Variants in SLC35D4 observed in about 807,000 individuals in gnomAD.
The protein encoded by SLC35D4 is solute carrier family 35 member D4.
chr18:23,421,254 A>G, the SLC35D4 span: 20 of 896,516 alleles, frequency 2.2e-5, no homozygotes, highest in East Asian at 1.1e-4. Context: ...AAATAAATAA[A>G]TAAGTAAATA....
chr18:23,427,720 A>G, the SLC35D4 span, among the ~76,000 whole-genome samples: 35 of 152,238 alleles, frequency 2.3e-4, no homozygotes, highest in African/African-American at 8.2e-4. Flanking sequence ...ACATGCACAC[A>G]TATGTTTATT....
chr18:23,257,611 C>A, the SLC35D4 span: 1 of 414,328 alleles, frequency 2.4e-6, no homozygotes, highest in South Asian at 5.3e-5. Flanking sequence ...CAGAGAGGCC[C>A]TGCCCTCTGT....
the SLC35D4 span, among the ~76,000 whole-genome samples, chr18:23,344,843 G>A: frequency 4.6e-5 from 7 of 152,140 alleles, no homozygotes; most frequent in East Asian, 1.9e-4. Flanking sequence ...CTCATGATCC[G>A]CCCGCCTTGG....
chr18:23,295,795 C>T, the SLC35D4 span, among the ~76,000 whole-genome samples: 2 of 152,130 alleles, frequency 1.3e-5, no homozygotes, highest in African/African-American at 2.4e-5. Flanking sequence ...ATTTCCCGGA[C>T]GCCATGGGCA....
the SLC35D4 span, among the ~76,000 whole-genome samples, chr18:23,382,132 C>G: frequency 6.7e-6 from 1 of 149,654 alleles, no homozygotes; most frequent in African/African-American, 2.5e-5. Context: ...CCCAGCTACT[C>G]GGGAGGCTGA....
At chr18:23,435,107 G>A in the SLC35D4 span, among the ~76,000 whole-genome samples, 2 of 143,202 alleles carry the variant, frequency 1.4e-5, no homozygotes, top group South Asian at 2.3e-4. Context: ...GTGGTGAGCC[G>A]AGATCACACC....
the SLC35D4 span, among the ~76,000 whole-genome samples, chr18:23,287,117 G>A: frequency 6.6e-6 from 1 of 152,140 alleles, no homozygotes; most frequent in African/African-American, 2.4e-5. Context: ...GCCTTTTAAA[G>A]CCTATAAACT....
At chr18:23,368,654 T>C in the SLC35D4 span, 63 of 1,075,766 alleles carry the variant, frequency 5.9e-5, no homozygotes, top group East Asian at 1.6e-3. Flanking sequence ...CAAAATATTA[T>C]TGGAAAATAA....
chr18:23,240,777 G>C, the SLC35D4 span, among the ~76,000 whole-genome samples: 2 of 152,170 alleles, frequency 1.3e-5, no homozygotes, highest in African/African-American at 4.8e-5. Flanking sequence ...TGAAATCCTG[G>C]GACTGTCCTC....
At chr18:23,280,641 G>C in the SLC35D4 span, among the ~76,000 whole-genome samples, 4 of 152,178 alleles carry the variant, frequency 2.6e-5, no homozygotes, top group African/African-American at 7.2e-5. Flanking sequence ...CCACCTCACA[G>C]TGCTGACCAC....
At chr18:23,371,385 G>A in the SLC35D4 span, 9 of 1,502,254 alleles carry the variant, frequency 6.0e-6, no homozygotes, top group Non-Finnish European at 8.0e-6. Flanking sequence ...ATGAGCCACC[G>A]TGCCCAGCCT....
chr18:23,431,069 G>T, the SLC35D4 span, among the ~76,000 whole-genome samples: 1 of 144,228 alleles, frequency 6.9e-6, no homozygotes, highest in Admixed American at 7.5e-5. Flanking sequence ...CAGAAGAATC[G>T]CTTGAACCTA....
the SLC35D4 span, among the ~76,000 whole-genome samples, chr18:23,420,053 C>T: frequency 6.6e-6 from 1 of 152,050 alleles, no homozygotes; most frequent in Admixed American, 6.6e-5. Flanking sequence ...CCTGTAATCC[C>T]AGCACTTTGG....
the SLC35D4 span, among the ~76,000 whole-genome samples, chr18:23,287,478 A>G: frequency 6.6e-4 from 100 of 152,160 alleles, 1 homozygote; most frequent in Non-Finnish European, 5.0e-4. Flanking sequence ...TCTGTTAGCT[A>G]TCTCAGCATA....
At chr18:23,318,278 C>T in the SLC35D4 span, among the ~76,000 whole-genome samples, 593 of 152,192 alleles carry the variant, frequency 3.9e-3, 6 homozygotes, top group African/African-American at 0.013. Flanking sequence ...CTTTAAAAAT[C>T]GGGGTTTTTA....
chr18:23,391,154 CA>C, the SLC35D4 span, among the ~76,000 whole-genome samples: 1 of 150,636 alleles, frequency 6.6e-6, no homozygotes, highest in Non-Finnish European at 1.5e-5. Context: ...TGAAGGGAGG[CA>C]GAGCCTGCAG....
At chr18:23,347,946 A>G in the SLC35D4 span, among the ~76,000 whole-genome samples, 1 of 152,050 alleles carries the variant, frequency 6.6e-6, no homozygotes, top group Non-Finnish European at 1.5e-5. Context: ...TTGATTTGAG[A>G]CCTTCATTCA....
At chr18:23,267,441 A>G in the SLC35D4 span, among the ~76,000 whole-genome samples, 1 of 151,576 alleles carries the variant, frequency 6.6e-6, no homozygotes, top group Non-Finnish European at 1.5e-5. Context: ...GTGGCTCTCT[A>G]GGTTGTTCTG....
the SLC35D4 span, among the ~76,000 whole-genome samples, chr18:23,293,015 G>T: frequency 3.9e-5 from 6 of 152,114 alleles, no homozygotes; most frequent in Non-Finnish European, 7.3e-5. Context: ...CGAGGTGGGC[G>T]GATCACTTGA....
Sources: allele counts gnomAD v4.1 joint callset (sites outside exome capture counted in the v4.1 genomes callset), GRCh38; gene constraint gnomAD v4.1.1; transcripts MANE v1.5; gene names NCBI Gene and HGNC (gene_info 2026-07-23, HGNC 2026-07-21).